The following CHD5 variants were observed in gnomAD, a reference collection of about 807,000 sequenced individuals.
CHD5 encodes the protein chromodomain helicase DNA binding protein 5.
A neutral mutation model predicts 230.3 loss-of-function variants in CHD5; 69 were observed. The observed-to-expected ratio is 0.30, with a 90% CI of 0.25 to 0.37. CHD5 has a LOEUF of 0.37. CHD5 is among the 10% of genes least tolerant of loss of function. The pLI is 1.00. For missense variants in CHD5, 1,827 were observed against 2,622.8 expected, an observed-to-expected ratio of 0.70 and a Z score of 6.63; for synonymous variants, 1,064 against 1,065.9, an observed-to-expected ratio of 1.00 and a Z score of 0.03.
Position 6,134,509 on chromosome 1 carries a change from G to A in CHD5, c.3012+209C>T, listed in dbSNP as rs1010264459. 9.9e-5 allele frequency among the ~76,000 whole-genome samples: 15 copies of A among 152,204 alleles called. No individual in the cohort carries two copies. Among genetic ancestry groups the A allele is most frequent in the Non-Finnish European group, 1.9e-4 (13 of 68,034 alleles). Reference sequence around the variant, plus strand: ...CAGCCGCACCAGCCCTACCACAGCAGCGGGTTCCACGGTAAGTTCCCCAGC... The same window carrying A: ...CAGCCGCACCAGCCCTACCACAGCAACGGGTTCCACGGTAAGTTCCCCAGC... On this transcript the variant is annotated intron_variant, in intron 19 of 41. Transcript: ENST00000262450. The surrounding 1 kb of genome is among the most constrained non-coding windows in gnomAD (Gnocchi z 6.3).
rs534396466 is a variant in CHD5, at chr1:6,115,423, C to A, written c.4913-2425G>T. On this transcript the variant is annotated intron_variant, in intron 33 of 41. Transcript: ENST00000262450. ...ACTCCCCAGAGCAGGTTCCGTTTTGCGGCACGGGTGACCTTAAAACAGGGA... is the reference window on the plus strand; with the variant it reads ...ACTCCCCAGAGCAGGTTCCGTTTTGAGGCACGGGTGACCTTAAAACAGGGA... Among the ~76,000 whole-genome samples, 143 of 152,280 alleles carry A rather than the reference C, an allele frequency of 9.4e-4. 1 individual carries two copies. The highest frequency in any genetic ancestry group is 3.2e-3 in the African/African-American group (133 of 41,560).
At position 6,105,640 on chromosome 1, in the gene CHD5, C is replaced by T. The variant is rs1666150287; in HGVS notation, c.*47-213G>A. 1.3e-5 allele frequency among the ~76,000 whole-genome samples: 2 copies of T among 152,340 alleles called. No homozygotes were observed. Among genetic ancestry groups the T allele is most frequent in the Admixed American group, 6.5e-5 (1 of 15,306 alleles). ...CCCAGGAAGCAGCAGTGGGCAGGGG[C>T]AGCCAGCCAGGAAGCCCCTCTGGAG... On this transcript the variant is annotated intron_variant, in intron 41 of 41. Coordinates refer to ENST00000262450, the MANE Select transcript of CHD5 (RefSeq NM_015557.3). The surrounding 1 kb of genome is among the most constrained non-coding windows in gnomAD (Gnocchi z 4.8).
intron 36 of CHD5, among the ~76,000 whole-genome samples, chr1:6,111,463 G>C (rs1199186055): frequency 6.6e-6 from 1 of 151,772 alleles, no homozygotes; most frequent in Non-Finnish European, 1.5e-5. Flanking sequence ...GAACCCGGGA[G>C]GCAGCAGTTG....
intron 36 of CHD5, 44 bp downstream of exon 36, chr1:6,111,731 A>G (rs758786853): frequency 6.6e-7 from 1 of 1,507,798 alleles, no homozygotes; most frequent in South Asian, 1.1e-5. Flanking sequence ...AGGTCCACGG[A>G]GGAACGGGCA....
chr1:6,158,740 G>C (rs1277853138), intron 3 of CHD5, among the ~76,000 whole-genome samples: 1 of 152,170 alleles, frequency 6.6e-6, no homozygotes, highest in East Asian at 1.9e-4. Flanking sequence ...GGGCGCGGTG[G>C]CTCACACCTG....
rs1233688977 is a variant in CHD5 at position 6,128,446 on chromosome 1, G to A, written c.3730+53C>T. On this transcript the variant is annotated intron_variant, in intron 24 of 41. Coordinates refer to ENST00000262450, the MANE Select transcript of CHD5 (RefSeq NM_015557.3). The surrounding 1 kb of genome is among the most constrained non-coding windows in gnomAD (Gnocchi z 7.8). Reference sequence around the variant, plus strand: ...AGGTCAGGGAACCCCTCCTCTGCAGGAGCAGCCACCTGGTCGGAGGAGGAG... The same window carrying A: ...AGGTCAGGGAACCCCTCCTCTGCAGAAGCAGCCACCTGGTCGGAGGAGGAG... 3.0e-5 allele frequency: 43 copies of A among 1,451,888 alleles called. No individual in the cohort carries two copies. The highest frequency in any genetic ancestry group is 3.9e-5 in the Non-Finnish European group (41 of 1,038,324). 89.9% of individuals were successfully genotyped at this position (1,451,888 alleles called of 1,614,324 possible).
chr1:6,177,195 T>G (rs1667440721), intron 1 of CHD5, among the ~76,000 whole-genome samples: 2 of 152,108 alleles, frequency 1.3e-5, no homozygotes, highest in South Asian at 4.2e-4. Flanking sequence ...GCCACAAACT[T>G]CCATCTTTTG....
chr1:6,107,290 G>C (rs1177289314), intron 38 of CHD5, among the ~76,000 whole-genome samples: 1 of 137,696 alleles, frequency 7.3e-6, no homozygotes, highest in Non-Finnish European at 1.6e-5. Context: ...TGGTGGGATG[G>C]CGGAGTGGAG....
intron 6 of CHD5, 143 bp from the exon 7 acceptor site, chr1:6,151,298 C>T (rs1667004148): frequency 2.1e-6 from 2 of 969,676 alleles, no homozygotes; most frequent in African/African-American, 1.7e-5. Context: ...CCCAACACAG[C>T]TGAAAACCTC....
chr1:6,154,369 C>G lies in CHD5; in HGVS notation c.745+291G>C, dbSNP rs768400809. ...TGGTCCCGCCCTCCCTCCAGGCCCA[C>G]GTCGGGGGCACCTCCTGGCTGGCCA... On this transcript the variant is annotated intron_variant, in intron 5 of 41. Transcript: ENST00000262450. This position sits in a 1 kb window ranked among gnomAD's most constrained non-coding sequence, Gnocchi z 7.0. 6.6e-6 allele frequency among the ~76,000 whole-genome samples: 1 copy of G among 152,204 alleles called. No individual in the cohort carries two copies. The highest frequency in any genetic ancestry group is 1.5e-5 in the Non-Finnish European group (1 of 68,040).
Position 6,105,954 on chromosome 1 carries a change from T to C in CHD5, c.*46+280A>G, listed in dbSNP as rs1482303160. Among the ~76,000 whole-genome samples, 1 of 152,066 alleles carries C rather than the reference T, an allele frequency of 6.6e-6. No homozygotes were observed. The highest frequency in any genetic ancestry group is 6.5e-5 in the Admixed American group (1 of 15,274). ...GAACATGTGTGCAAATGAGAACACATGTGCACACACAGGAGCTCACCCAAG... is the reference window on the plus strand; with the variant it reads ...GAACATGTGTGCAAATGAGAACACACGTGCACACACAGGAGCTCACCCAAG... On this transcript the variant is annotated intron_variant, in intron 41 of 41. Coordinates refer to ENST00000262450, the MANE Select transcript of CHD5 (RefSeq NM_015557.3). This position sits in a 1 kb window ranked among gnomAD's most constrained non-coding sequence, Gnocchi z 4.8.
At chr1:6,149,761 G>A (rs949914819) in intron 7 of CHD5, among the ~76,000 whole-genome samples, 1 of 148,756 alleles carries the variant, frequency 6.7e-6, no homozygotes, top group African/African-American at 2.5e-5. Context: ...AAATGGAAAT[G>A]GGTGGACTGA....
intron 17 of CHD5, among the ~76,000 whole-genome samples, 176 bp from the exon 18 acceptor site, chr1:6,135,579 C>T (rs1212531864): frequency 6.6e-6 from 1 of 152,230 alleles, no homozygotes; most frequent in East Asian, 1.9e-4. Context: ...CATCACAGCC[C>T]TCTTTTCCTC....
chr1:6,160,970 C>T (rs1207624520), intron 2 of CHD5, among the ~76,000 whole-genome samples: 1 of 152,222 alleles, frequency 6.6e-6, no homozygotes, highest in African/African-American at 2.4e-5. Flanking sequence ...GCCATGATCC[C>T]CGGGGCATGC....
intron 2 of CHD5, among the ~76,000 whole-genome samples, chr1:6,163,933 A>G (rs1404204670): frequency 6.6e-6 from 1 of 152,204 alleles, no homozygotes; most frequent in Non-Finnish European, 1.5e-5. Flanking sequence ...GAAGAATCTT[A>G]GTGGATGTGG....
intron 33 of CHD5, among the ~76,000 whole-genome samples, chr1:6,113,678 G>A (rs949872231): frequency 5.9e-5 from 9 of 152,340 alleles, no homozygotes; most frequent in South Asian, 2.1e-4. Context: ...GTCCAACACC[G>A]TGGTCTCTGA....
Position 6,134,043 on chromosome 1 carries a change from C to A in CHD5, c.3144+85G>T. ...AACGGCACTGGGCCCTGAGGGGTGC[C>A]AGCAAGTTTGCGCCCCCAAGCATCA... is the stretch of plus-strand genomic sequence containing the variant. On this transcript the variant is annotated intron_variant, in intron 20 of 41. Transcript: ENST00000262450. This position sits in a 1 kb window ranked among gnomAD's most constrained non-coding sequence, Gnocchi z 6.3. 7.2e-7 allele frequency: 1 copy of A among 1,394,890 alleles called. No homozygotes were observed. 86.4% of individuals were successfully genotyped at this position (1,394,890 alleles called of 1,614,324 possible).
chr1:6,138,998 G>C (rs1050843603), intron 15 of CHD5, among the ~76,000 whole-genome samples: 1 of 152,230 alleles, frequency 6.6e-6, no homozygotes, highest in African/African-American at 2.4e-5. Context: ...TCAGTGAAAT[G>C]AGCCAGTGAC....
At chr1:6,160,472 AGCCCCAGCCAGGGAAGG>A (rs1454410399) in intron 2 of CHD5, among the ~76,000 whole-genome samples, 1 of 145,128 alleles carries the variant, frequency 6.9e-6, no homozygotes, top group Non-Finnish European at 1.5e-5. Context: ...AGAGAAGGAG[AGCCCCAGCCAGGGAAGG>A]GCCCCAGCCA....
Sources: gnomAD v4.1 joint callset for allele counts (sites outside exome capture counted in the v4.1 genomes callset) on GRCh38, gnomAD v4.1.1 for gene constraint, Gnocchi (gnomAD v3.1) non-coding constraint, MANE v1.5 for transcripts, NCBI Gene and HGNC (gene_info 2026-07-23, HGNC 2026-07-21) for gene names.